The following MESP1 variants were observed in gnomAD, a reference collection of about 807,000 sequenced individuals.
MESP1 encodes the protein mesoderm posterior bHLH transcription factor 1.
Under a neutral mutation model 15.2 loss-of-function variants are expected in MESP1, and 22 were observed. That is an observed-to-expected ratio of 1.45 (90% CI 1.04 to 2.07). The LOEUF (loss-of-function observed/expected upper bound fraction) is 2.07, where lower values mean the gene tolerates loss of function less well. MESP1 is among the 30% of genes most tolerant of loss of function. The probability of loss-of-function intolerance (pLI) is 0.00; values close to 1 mark genes in which losing one functional copy is unlikely to be tolerated. For missense variants in MESP1, 484 were observed against 411.9 expected, an observed-to-expected ratio of 1.17 and a Z score of -1.51; for synonymous variants, 216 against 192.6, an observed-to-expected ratio of 1.12 and a Z score of -1.01.
rs567749372 is a variant in MESP1, at chr15:89,750,509, C to T, written c.723G>A (p.Pro241=). 6.0e-6 allele frequency: 9 copies of T among 1,500,172 alleles called. No individual in the cohort carries two copies. Among genetic ancestry groups the T allele is most frequent in the Non-Finnish European group, 7.9e-6 (9 of 1,132,710 alleles). 92.9% of individuals were successfully genotyped at this position (1,500,172 alleles called of 1,614,324 possible). ...GGGGCGCGGGGAAGGGGACACTAAC[C>T]GGGGACGGTGGGCTTGGCTCCATCG... is the stretch of plus-strand genomic sequence containing the variant. ...GQAMEPSPPS[P]LLPGDVLALL... is the part of the protein sequence containing the mutation. Residue 241 remains proline (P), a splice_region_variant and synonymous_variant, in exon 1 of 2, where the codon CCG becomes CCA. Transcript: ENST00000300057.
the MESP1 span, chr15:89,743,485 A>G: frequency 8.5e-7 from 1 of 1,183,080 alleles, no homozygotes; most frequent in Non-Finnish European, 1.2e-6. Flanking sequence ...TAACAGAGCC[A>G]CAGCTCCACA....
At chr15:89,749,601 T>C, downstream of MESP1, 1 of 155,188 alleles carries the variant, frequency 6.4e-6, no homozygotes, top group Non-Finnish European at 1.4e-5. Context: ...TACACAGATA[T>C]TTTGGTTTTA....
downstream of MESP1, among the ~76,000 whole-genome samples, chr15:89,748,118 AG>A (rs1268117029): frequency 6.6e-6 from 1 of 152,242 alleles, no homozygotes; most frequent in African/African-American, 2.4e-5. Flanking sequence ...CTAGCCAATG[AG>A]CCCCACTTAT....
At chr15:89,733,298 C>A in the MESP1 span, 2 of 1,349,796 alleles carry the variant, frequency 1.5e-6, no homozygotes, top group Non-Finnish European at 2.1e-6. Context: ...AATCTGACAG[C>A]CTCTCTGACT....
downstream of MESP1, among the ~76,000 whole-genome samples, chr15:89,747,478 CA>C (rs1352820568): frequency 6.6e-6 from 1 of 152,240 alleles, no homozygotes; most frequent in African/African-American, 2.4e-5. Flanking sequence ...GACCAGCGGG[CA>C]GCTAGTTGGC....
Position 89,749,946 on chromosome 15 carries a change from T to A in MESP1, c.*198A>T, listed in dbSNP as rs544548466. ...AGAGCCTCCTGCTTGCCTCAAAGTG[T>A]CTAGCCCTATGGGTCCCTCCATGGA... On this transcript the variant is annotated 3_prime_UTR_variant, in exon 2 of 2. Transcript: ENST00000300057. 1,292 of 604,822 alleles carry A rather than the reference T, an allele frequency of 2.1e-3. 5 individuals carry two copies. Among genetic ancestry groups the A allele is most frequent in the Admixed American group, 4.6e-3 (158 of 34,480 alleles). 37.5% of individuals were successfully genotyped at this position (604,822 alleles called of 1,614,324 possible). A position where few individuals can be genotyped will look rare whatever the true frequency, so the allele number is the denominator to read the frequency against.
chr15:89,743,654 G>A, the MESP1 span: 1 of 500,798 alleles, frequency 2.0e-6, no homozygotes, highest in Non-Finnish European at 3.6e-6. Context: ...AAGTTGCTGT[G>A]GTATATAACT....
chr15:89,743,461 G>T, the MESP1 span: 1 of 1,475,156 alleles, frequency 6.8e-7, no homozygotes. Context: ...AGGACACTGA[G>T]GCCAAGAGAA....
At chr15:89,736,703 T>G in the MESP1 span, among the ~76,000 whole-genome samples, 2 of 146,900 alleles carry the variant, frequency 1.4e-5, no homozygotes, top group South Asian at 2.2e-4. Context: ...ACGCAGGAGG[T>G]GGGGGAGTGG....
the MESP1 span, chr15:89,733,333 C>A: frequency 1.0e-6 from 1 of 976,558 alleles, no homozygotes; most frequent in Non-Finnish European, 1.5e-6. Context: ...GTATAGTCAT[C>A]ACTCTCCTGG....
chr15:89,749,860 G>A (rs1325445460), downstream of MESP1: 6 of 394,530 alleles, frequency 1.5e-5, no homozygotes, highest in Non-Finnish European at 1.9e-5. Context: ...CGGGTAGGAA[G>A]AAGAAATTGC....
chr15:89,746,509 ACACACACAGCCCAACCTCCACACACG>A (rs1211317987), downstream of MESP1, among the ~76,000 whole-genome samples: 2,299 of 144,948 alleles, frequency 0.016, 82 homozygotes, highest in African/African-American at 0.059. Flanking sequence ...GCCTCCACAC[ACACACACAGCCCAACCTCCACACACG>A]CACACACAGC....
At chr15:89,738,343 CTGGCTGGGCGTGG>C in the MESP1 span, 2 of 1,367,126 alleles carry the variant, frequency 1.5e-6, no homozygotes, top group Admixed American at 4.9e-5. Context: ...GAAATTTCCC[CTGGCTGGGCGTGG>C]TGGCTCACGC....
Position 89,750,225 on chromosome 15 carries a change from G to C in MESP1, c.726C>G (p.Leu242=), listed in dbSNP as rs146600103. ...QAMEPSPPSP[L]LPGDVLALLE... ...ACAGAGCCAGCACGTCGCCCGGAAGGAGCTGTAGGGAGAGACGGAACAGCG... is the reference window on the plus strand; with the variant it reads ...ACAGAGCCAGCACGTCGCCCGGAAGCAGCTGTAGGGAGAGACGGAACAGCG... The change falls in exon 2 of 2, where the codon CTC becomes CTG. Residue 242 remains leucine (L), a splice_region_variant and synonymous_variant. Transcript: ENST00000300057. The C allele has an allele frequency of 9.5e-5, 154 of 1,613,928 alleles. No individual in the cohort carries two copies. The African/African-American group carries it at 1.7e-3, about 18-fold the overall frequency.
chr15:89,735,608 G>A, the MESP1 span: 1 of 1,551,032 alleles, frequency 6.4e-7, no homozygotes, highest in African/African-American at 1.4e-5. Context: ...TCTCTTCTGT[G>A]AATGTGTTCA....
At chr15:89,750,262 C>T in intron 1 of MESP1, 35 bp from the exon 2 acceptor site, 1 of 1,611,078 alleles carries the variant, frequency 6.2e-7, no homozygotes, top group Non-Finnish European at 8.5e-7. Flanking sequence ...AGCCCTCAAG[C>T]ACTGGTGGCC....
downstream of MESP1, among the ~76,000 whole-genome samples, chr15:89,745,798 T>C (rs112361400): frequency 0.038 from 5,723 of 151,310 alleles, 388 homozygotes; most frequent in African/African-American, 0.13. This position sits in a 1 kb window ranked among gnomAD's most constrained non-coding sequence, Gnocchi z 4.8. Flanking sequence ...TCTCAGGGTA[T>C]GGTTGGAACT....
At chr15:89,733,313 T>G in the MESP1 span, 1 of 1,196,400 alleles carries the variant, frequency 8.4e-7, no homozygotes, top group Non-Finnish European at 1.2e-6. Context: ...CTGACTACAG[T>G]CCACCTTTTG....
Position 89,750,112 on chromosome 15 carries a change from G to T in MESP1, c.*32C>A. 1 of 1,608,830 alleles carries T rather than the reference G, an allele frequency of 6.2e-7. No individual in the cohort carries two copies. Among genetic ancestry groups the T allele is most frequent in the Non-Finnish European group, 8.5e-7 (1 of 1,175,358 alleles). ...AAGGTGCTGAGGCCAAAAAGCCTCG[G>T]TGCTCACAGAGACGGCGTCAGTTGT... is the stretch of plus-strand genomic sequence containing the variant. On this transcript the variant is annotated 3_prime_UTR_variant, in exon 2 of 2. Coordinates refer to ENST00000300057, the MANE Select transcript of MESP1 (RefSeq NM_018670.4).
Sources: gnomAD v4.1 joint callset for allele counts (sites outside exome capture counted in the v4.1 genomes callset) on GRCh38, gnomAD v4.1.1 for gene constraint, Gnocchi (gnomAD v3.1) non-coding constraint, MANE v1.5 for transcripts, NCBI Gene and HGNC (gene_info 2026-07-23, HGNC 2026-07-21) for gene names.